Variants in FKTN observed in about 807,000 individuals in gnomAD.
FKTN encodes the protein ribitol-5-phosphate transferase FKTN.
In FKTN, 47 loss-of-function variants were observed where a neutral mutation model predicts 58.6. The observed-to-expected ratio is 0.80, with a 90% CI of 0.63 to 1.02. The LOEUF is 1.02. Ranked by LOEUF, FKTN falls within the 50% of genes least tolerant of loss-of-function variation. FKTN has a pLI of 0.00. For missense variants in FKTN, 516 were observed against 537.3 expected, an observed-to-expected ratio of 0.96 and a Z score of 0.39; for synonymous variants, 178 against 191.9, an observed-to-expected ratio of 0.93 and a Z score of 0.60.
Position 105,635,291 on chromosome 9 carries a change from C to G in FKTN, c.*27C>G, listed in dbSNP as rs779758302. 1 of 1,612,624 alleles carries G rather than the reference C, an allele frequency of 6.2e-7. No homozygotes were observed. The highest frequency in any genetic ancestry group is 1.3e-5 in the African/African-American group (1 of 74,838). Reference sequence around the variant, plus strand: ...ATAGTAGGTTGAAATGGGAGAATTTCTCTTTTGGAAAAAAAGGTAGATAAC... The same window carrying G: ...ATAGTAGGTTGAAATGGGAGAATTTGTCTTTTGGAAAAAAAGGTAGATAAC... On this transcript the variant is annotated 3_prime_UTR_variant, in exon 11 of 11. Transcript: ENST00000357998.
intron 3 of FKTN, among the ~76,000 whole-genome samples, chr9:105,594,388 A>G (rs545120487): frequency 7.9e-5 from 12 of 152,366 alleles, no homozygotes; most frequent in Middle Eastern, 6.8e-3. Flanking sequence ...AGAATGAGAC[A>G]GTTAATACAC....
chr9:105,563,602 G>GGT (rs1838752804), intron 1 of FKTN, among the ~76,000 whole-genome samples: 1 of 151,874 alleles, frequency 6.6e-6, no homozygotes, highest in African/African-American at 2.4e-5. Flanking sequence ...CGAGGCTGGG[G>GGT]GGGGGGGCAC....
intron 10 of FKTN, among the ~76,000 whole-genome samples, chr9:105,626,097 A>G (rs1832701595): frequency 6.6e-6 from 1 of 152,184 alleles, no homozygotes; most frequent in South Asian, 2.1e-4. Flanking sequence ...TTGTATGAAT[A>G]TATCACAAAT....
chr9:105,604,463 G>A lies in FKTN; in HGVS notation c.618G>A (p.Gln206=). 6.2e-7 allele frequency: 1 copy of A among 1,614,118 alleles called. No individual in the cohort carries two copies. Among genetic ancestry groups the A allele is most frequent in the South Asian group, 1.1e-5 (1 of 91,080 alleles). Residue 206 remains glutamine, a synonymous_variant, in exon 6 of 11, where the codon CAG becomes CAA. Coordinates refer to ENST00000357998, the MANE Select transcript of FKTN (RefSeq NM_001079802.2). ...AATTTGTTCCCTTCCGAAAGTTACAGTTTGGTCGTTATCCAGGAGCTTTTG... is the reference window on the plus strand; with the variant it reads ...AATTTGTTCCCTTCCGAAAGTTACAATTTGGTCGTTATCCAGGAGCTTTTG... ...DRKFVPFRKL[Q]FGRYPGAFDR... is the part of the protein sequence containing the mutation.
At chr9:105,566,726 G>A (rs906089315) in intron 1 of FKTN, among the ~76,000 whole-genome samples, 1 of 152,298 alleles carries the variant, frequency 6.6e-6, no homozygotes, top group Admixed American at 6.5e-5. Context: ...ACAAGGAGGA[G>A]CTGGTACCAT....
chr9:105,566,361 G>A (rs1435863618), intron 1 of FKTN, among the ~76,000 whole-genome samples: 2 of 152,170 alleles, frequency 1.3e-5, no homozygotes, highest in East Asian at 3.9e-4. Flanking sequence ...GAATTCAGGA[G>A]CTGGTTTTTT....
At chr9:105,602,141 T>C (rs924489084) in intron 5 of FKTN, among the ~76,000 whole-genome samples, 1 of 152,200 alleles carries the variant, frequency 6.6e-6, no homozygotes, top group Non-Finnish European at 1.5e-5. Flanking sequence ...AAAGTAAAAT[T>C]GTCTCTTCAT....
chr9:105,633,451 T>C (rs1833719447), intron 10 of FKTN: 1 of 152,240 alleles, frequency 6.6e-6, no homozygotes, highest in African/African-American at 2.4e-5. Context: ...AACTTCATTG[T>C]GTCAACTTGA....
chr9:105,638,479 A>T lies in FKTN; in HGVS notation c.*3215A>T. The T allele has an allele frequency of 1.0e-6, 1 of 985,386 alleles. No individual in the cohort carries two copies. The highest frequency in any genetic ancestry group is 1.2e-6 in the Non-Finnish European group (1 of 829,938). The allele number at this position is 985,386 out of a possible 1,614,324, so 61.0% of individuals were successfully genotyped here. On this transcript the variant is annotated 3_prime_UTR_variant, in exon 11 of 11. Transcript: ENST00000357998. ...TGGTACCTAATTCTCTAAGCTCAAG[A>T]TGCATCCCATTGCCACTTTACCATT...
At chr9:105,626,441 T>C (rs983445698) in intron 10 of FKTN, among the ~76,000 whole-genome samples, 3 of 152,178 alleles carry the variant, frequency 2.0e-5, no homozygotes, top group South Asian at 2.1e-4. Context: ...AGGCCTTTTT[T>C]ATAAAGTTTC....
chr9:105,601,102 G>A (rs1374696056), intron 4 of FKTN, 43 bp from the exon 5 acceptor site: 1 of 1,112,264 alleles, frequency 9.0e-7, no homozygotes, highest in African/African-American at 1.5e-5. Flanking sequence ...AGACTGTTGT[G>A]TTGGCTTACT....
Position 105,563,322 on chromosome 9 carries a change from C to T in FKTN, c.-181+5157C>T, listed in dbSNP as rs190552316. On this transcript the variant is annotated intron_variant, in intron 1 of 10. Transcript: ENST00000357998. ...AGTGGGTGCAGGACAGTGGGTGCAG[C>T]GCACCGAGCGTGAGCCGAAGCAGGG... Among the ~76,000 whole-genome samples the T allele has an allele frequency of 9.2e-3, 1,402 of 152,254 alleles. 23 individuals are homozygous for T. Among genetic ancestry groups the T allele is most frequent in the African/African-American group, 0.032 (1,327 of 41,554 alleles).
chr9:105,613,199 T>A (rs1456283087), intron 7 of FKTN, among the ~76,000 whole-genome samples: 1 of 152,234 alleles, frequency 6.6e-6, no homozygotes, highest in African/African-American at 2.4e-5. Flanking sequence ...GTCAGTTACA[T>A]GGTCATCATT....
chr9:105,602,979 A>G (rs1235518264), intron 5 of FKTN, among the ~76,000 whole-genome samples: 1 of 152,170 alleles, frequency 6.6e-6, no homozygotes, highest in Non-Finnish European at 1.5e-5. Flanking sequence ...TATTAATGCC[A>G]TTACCATAAA....
chr9:105,567,983 T>C (rs1167665768), intron 1 of FKTN, among the ~76,000 whole-genome samples: 1 of 152,126 alleles, frequency 6.6e-6, no homozygotes, highest in African/African-American at 2.4e-5. Flanking sequence ...TCAGAAGTAA[T>C]ACCACACATC....
intron 4 of FKTN, chr9:105,597,997 C>A (rs751925254): frequency 8.8e-6 from 3 of 342,686 alleles, no homozygotes; most frequent in Non-Finnish European, 1.8e-5. Context: ...AGTACAGGTT[C>A]ACTGATACAT....
chr9:105,564,077 C>T (rs949545901), intron 1 of FKTN, among the ~76,000 whole-genome samples: 11 of 152,248 alleles, frequency 7.2e-5, no homozygotes, highest in Non-Finnish European at 1.0e-4. Context: ...AACAGACCTG[C>T]ATCTGAGGGT....
At chr9:105,633,633 A>G (rs1425966362) in intron 10 of FKTN, among the ~76,000 whole-genome samples, 1 of 152,206 alleles carries the variant, frequency 6.6e-6, no homozygotes, top group Non-Finnish European at 1.5e-5. Context: ...TTTCTCAGCT[A>G]TGAGATTTTC....
At chr9:105,566,742 C>T (rs1478877981) in intron 1 of FKTN, among the ~76,000 whole-genome samples, 1 of 152,230 alleles carries the variant, frequency 6.6e-6, no homozygotes, top group African/African-American at 2.4e-5. Flanking sequence ...ACCATTCCTT[C>T]TGAAATTATT....
Sources: allele counts gnomAD v4.1 joint callset (sites outside exome capture counted in the v4.1 genomes callset), GRCh38; gene constraint gnomAD v4.1.1; transcripts MANE v1.5; gene names NCBI Gene and HGNC (gene_info 2026-07-23, HGNC 2026-07-21).